ZNF875: variants seen among roughly 807,000 people sequenced by gnomAD.
ZNF875 encodes zinc finger protein 875.
Under a neutral mutation model 11.2 loss-of-function variants are expected in ZNF875, and 14 were observed. The ratio of observed to expected loss-of-function variants is 1.26; its 90% CI spans 0.83 to 1.96. ZNF875 has a LOEUF of 1.96. Among genes scored for constraint, ZNF875 ranks in the 30% most tolerant of loss-of-function variants. The probability of loss-of-function intolerance (pLI) is 0.00; values close to 1 mark genes in which losing one functional copy is unlikely to be tolerated. For synonymous variants in ZNF875, 301 were observed against 281.1 expected (o/e 1.07, Z -0.71); for missense variants, 752 against 760.4 (o/e 0.99, Z 0.13).
intron 4 of ZNF875, among the ~76,000 whole-genome samples, chr19:37,353,254 C>T (rs1322096469): frequency 6.6e-6 from 1 of 152,118 alleles, no homozygotes; most frequent in Non-Finnish European, 1.5e-5. Flanking sequence ...TTTTCCAGGG[C>T]TTACAATATG....
intron 4 of ZNF875, chr19:37,357,976 G>C: frequency 2.5e-6 from 1 of 398,366 alleles, no homozygotes; most frequent in Non-Finnish European, 4.4e-6. Context: ...AATGGTTTCA[G>C]CTTTCGCCCA....
At chr19:37,339,633 C>T (rs2035277892) in intron 2 of ZNF875, among the ~76,000 whole-genome samples, 2 of 145,148 alleles carry the variant, frequency 1.4e-5, no homozygotes, top group South Asian at 2.2e-4. Context: ...CAATCGATCT[C>T]GCCTCACTGC....
At chr19:37,332,545 T>C (rs2033568508), upstream of ZNF875, among the ~76,000 whole-genome samples, 1 of 152,030 alleles carries the variant, frequency 6.6e-6, no homozygotes, top group Non-Finnish European at 1.5e-5. Flanking sequence ...CCACTACTTT[T>C]AAGCTGATAT....
chr19:37,354,529 T>C (rs893416918), intron 4 of ZNF875, among the ~76,000 whole-genome samples: 4 of 151,996 alleles, frequency 2.6e-5, no homozygotes, highest in East Asian at 1.9e-4. Flanking sequence ...CTCATACTTA[T>C]TTTTGAATTG....
chr19:37,335,209 T>C lies in ZNF875; in HGVS notation c.-16T>C, dbSNP rs548948905. ...CTTTGCCCTTCTCCAGGAAGAGCAC[T>C]CAGGAGACCAGGAAAATGGCCACAG... On this transcript the variant is annotated 5_prime_UTR_variant, in exon 2 of 5. Coordinates refer to ENST00000392153, the MANE Select transcript of ZNF875 (RefSeq NM_001353803.2). 1 of 702,446 alleles carries C rather than the reference T, an allele frequency of 1.4e-6. No individual in the cohort carries two copies. The highest frequency in any genetic ancestry group is 2.0e-5 in the Admixed American group (1 of 50,004). 43.5% of individuals were successfully genotyped at this position (702,446 alleles called of 1,614,324 possible). A position where few individuals can be genotyped will look rare whatever the true frequency, so the allele number is the denominator to read the frequency against.
intron 1 of ZNF875, among the ~76,000 whole-genome samples, chr19:37,319,570 C>G (rs1424280213): frequency 6.6e-6 from 1 of 151,902 alleles, no homozygotes; most frequent in African/African-American, 2.4e-5. Context: ...CTCAGCTCCC[C>G]TCTGCTTCTG....
upstream of ZNF875, among the ~76,000 whole-genome samples, chr19:37,330,938 A>G (rs1189719517): frequency 1.3e-5 from 2 of 152,056 alleles, no homozygotes; most frequent in East Asian, 3.9e-4. Flanking sequence ...CTGTAATCCC[A>G]GCGTTTGGGA....
intron 3 of ZNF875, 89 bp downstream of exon 3, chr19:37,347,405 C>G: frequency 7.9e-7 from 1 of 1,263,656 alleles, no homozygotes; most frequent in Non-Finnish European, 1.1e-6. Context: ...GAGCACCTTT[C>G]CCTTAGAGTT....
In ZNF875 at chr19:37,362,831, A is replaced by G. The variant is rs770500910; in HGVS notation, c.979A>G (p.Thr327Ala). The G allele has an allele frequency of 9.9e-6, 16 of 1,613,812 alleles. No individual in the cohort carries two copies. Among genetic ancestry groups the G allele is most frequent in the Non-Finnish European group, 1.4e-5 (16 of 1,179,966 alleles). Residue 327 changes from threonine (T) to alanine (A), a missense_variant, in exon 5 of 5, where the codon ACA becomes GCA. Coordinates refer to ENST00000392153, the MANE Select transcript of ZNF875 (RefSeq NM_001353803.2). ...CTTTACTTGGAAGTCGAACCTCTTT[A>G]CACATCAGCGGACACACTCAGGGCT... ...RGFTWKSNLFTHQRTHSGLKP... is the reference protein window; with the variant it reads ...RGFTWKSNLFAHQRTHSGLKP...
At position 37,358,133 on chromosome 19, in the gene ZNF875, C is replaced by CTT. The variant is rs35011906; in HGVS notation, c.257-3952_257-3951dup. ...CTTTTTTTACATCTATTAAGATGATCTTTTTTTTTTTTTTTTTTTTTTTTT... is the reference window on the plus strand; with the variant it reads ...CTTTTTTTACATCTATTAAGATGATCTTTTTTTTTTTTTTTTTTTTTTTTTTT... On this transcript the variant is annotated intron_variant, in intron 4 of 4. Coordinates refer to ENST00000392153, the MANE Select transcript of ZNF875 (RefSeq NM_001353803.2). 300 of 85,594 alleles carry CTT rather than the reference C, an allele frequency of 3.5e-3. 19 individuals are homozygous for CTT. The highest frequency in any genetic ancestry group is 0.01 in the South Asian group (21 of 2,020). The allele number at this position is 85,594 out of a possible 1,614,324, so 5.3% of individuals were successfully genotyped here.
At chr19:37,329,731 G>A (rs371323850), upstream of ZNF875, among the ~76,000 whole-genome samples, 153 of 152,150 alleles carry the variant, frequency 1.0e-3, no homozygotes, top group African/African-American at 3.3e-3. Context: ...TTCCTCAGTG[G>A]TTTTTTCCCC....
chr19:37,340,899 C>T (rs540770114), intron 2 of ZNF875, among the ~76,000 whole-genome samples: 35 of 152,080 alleles, frequency 2.3e-4, no homozygotes, highest in Non-Finnish European at 1.2e-4. Flanking sequence ...CTATCCACCT[C>T]GGCCTCCCAA....
chr19:37,321,574 C>A (rs1599860175), intron 1 of ZNF875, among the ~76,000 whole-genome samples: 2 of 152,222 alleles, frequency 1.3e-5, no homozygotes, highest in Non-Finnish European at 2.9e-5. Context: ...TCCCCTGGGC[C>A]CACTTTTCTT....
chr19:37,329,979 A>G (rs1466669345), upstream of ZNF875, among the ~76,000 whole-genome samples: 1 of 152,146 alleles, frequency 6.6e-6, no homozygotes, highest in African/African-American at 2.4e-5. Context: ...TTCTAAGGGC[A>G]GATTGTGCCC....
chr19:37,348,001 T>C, intron 4 of ZNF875, 129 bp downstream of exon 4: 3 of 619,908 alleles, frequency 4.8e-6, no homozygotes, highest in Non-Finnish European at 8.8e-6. Flanking sequence ...TTGCCTGACA[T>C]GGTCTTCTTT....
At chr19:37,358,993 T>A (rs1253440239) in intron 4 of ZNF875, among the ~76,000 whole-genome samples, 1 of 151,850 alleles carries the variant, frequency 6.6e-6, no homozygotes, top group East Asian at 1.9e-4. Context: ...CTCTGCCTCC[T>A]GGGTTCAAGT....
chr19:37,332,102 G>T (rs1430178859), upstream of ZNF875, among the ~76,000 whole-genome samples: 1 of 143,762 alleles, frequency 7.0e-6, no homozygotes. Flanking sequence ...ATGATGCAAA[G>T]ACCTTTGTTC....
intron 2 of ZNF875, among the ~76,000 whole-genome samples, chr19:37,345,958 CTAA>C (rs1345583549): frequency 6.6e-6 from 1 of 152,066 alleles, no homozygotes; most frequent in Non-Finnish European, 1.5e-5. Context: ...TGTTGCTTGT[CTAA>C]TAATAATAAA....
intron 4 of ZNF875, among the ~76,000 whole-genome samples, chr19:37,353,829 G>C (rs957667618): frequency 1.3e-5 from 2 of 152,122 alleles, no homozygotes; most frequent in African/African-American, 4.8e-5. Context: ...GCCTTCAGCA[G>C]TTTGACCGTG....
Sources: allele counts gnomAD v4.1 joint callset (sites outside exome capture counted in the v4.1 genomes callset), GRCh38; gene constraint gnomAD v4.1.1; transcripts MANE v1.5; gene names NCBI Gene and HGNC (gene_info 2026-07-23, HGNC 2026-07-21).